RAB3GAP2: variants seen among roughly 807,000 people sequenced by gnomAD.
RAB3GAP2 encodes rab3 GTPase-activating protein non-catalytic subunit.
RAB3GAP2 carries 87 observed loss-of-function variants against 185.3 expected under a neutral mutation model. The observed-to-expected ratio is 0.47, with a 90% CI of 0.39 to 0.56. The LOEUF is 0.56. Among genes scored for constraint, RAB3GAP2 ranks in the 20% least tolerant of loss-of-function variants. RAB3GAP2 has a pLI of 0.00. For synonymous variants in RAB3GAP2, 554 were observed against 576.1 expected (o/e 0.96, Z 0.55); for missense variants, 1,492 against 1,638.2 (o/e 0.91, Z 1.54).
intron 1 of RAB3GAP2, among the ~76,000 whole-genome samples, chr1:220,244,546 G>GA (rs1363894361): frequency 4.0e-5 from 6 of 151,718 alleles, no homozygotes; most frequent in Non-Finnish European, 7.4e-5. Context: ...CACAGAACTA[G>GA]AAAAAAAATC....
intron 18 of RAB3GAP2, among the ~76,000 whole-genome samples, chr1:220,184,814 G>C (rs796872210): frequency 2.6e-5 from 4 of 151,948 alleles, no homozygotes; most frequent in African/African-American, 9.6e-5. Flanking sequence ...AGTATACCAC[G>C]CTTTTTAAAA....
chr1:220,236,044 A>AT (rs1662754086), intron 1 of RAB3GAP2, among the ~76,000 whole-genome samples: 1 of 152,232 alleles, frequency 6.6e-6, no homozygotes, highest in Non-Finnish European at 1.5e-5. Context: ...AGTTTAAGAT[A>AT]TTTTTTGTAG....
chr1:220,260,537 C>G (rs1660113778), intron 1 of RAB3GAP2, among the ~76,000 whole-genome samples: 2 of 151,312 alleles, frequency 1.3e-5, no homozygotes, highest in South Asian at 2.1e-4. Context: ...TAAGTGGGAG[C>G]TGAATGATGA....
At chr1:220,252,880 G>T (rs988639369) in intron 1 of RAB3GAP2, among the ~76,000 whole-genome samples, 7 of 152,168 alleles carry the variant, frequency 4.6e-5, no homozygotes, top group African/African-American at 1.7e-4. Context: ...CCCTAAGAAG[G>T]GGGCTGATTC....
intron 1 of RAB3GAP2, among the ~76,000 whole-genome samples, chr1:220,236,825 T>C (rs1659601370): frequency 6.6e-6 from 1 of 152,224 alleles, no homozygotes; most frequent in South Asian, 2.1e-4. Flanking sequence ...ATTAGTATTT[T>C]TTAATTGATC....
At chr1:220,248,613 G>GTT (rs1558169952) in intron 1 of RAB3GAP2, among the ~76,000 whole-genome samples, 4 of 143,448 alleles carry the variant, frequency 2.8e-5, no homozygotes, top group African/African-American at 1.2e-4. Context: ...AATTTGGTTT[G>GTT]GTTTTTTTTT....
chr1:220,243,995 C>G (rs1659751612), intron 1 of RAB3GAP2, among the ~76,000 whole-genome samples: 1 of 152,264 alleles, frequency 6.6e-6, no homozygotes, highest in East Asian at 1.9e-4. Context: ...AGGATTTCCC[C>G]TGAGAACTAG....
In RAB3GAP2 at chr1:220,171,944, G is replaced by A. The variant is rs764713903; in HGVS notation, c.2522C>T (p.Ala841Val). The A allele has an allele frequency of 3.2e-5, 51 of 1,614,122 alleles. No individual in the cohort carries two copies. In the Middle Eastern group the frequency reaches 3.0e-3, roughly 94 times the overall value. Residue 841 changes from alanine to valine, a missense_variant, in exon 23 of 35, where the codon GCG becomes GTG. Around this residue, in one of 5 missense-constraint regions of RAB3GAP2, gnomAD observed 681 missense variants for 689.1 expected, o/e 0.99. Transcript: ENST00000358951. Reference protein sequence around the residue: ...SENNGAALLSAHVGHSVAAQI... With the variant: ...SENNGAALLSVHVGHSVAAQI... ...TGCAGCAACAGAATGCCCAACATGCGCAGACAACAGAGCGGCTCCATTGTT... is the reference window on the plus strand; with the variant it reads ...TGCAGCAACAGAATGCCCAACATGCACAGACAACAGAGCGGCTCCATTGTT...
intron 1 of RAB3GAP2, among the ~76,000 whole-genome samples, chr1:220,264,234 A>G (rs2102534946): frequency 6.6e-6 from 1 of 152,250 alleles, no homozygotes; most frequent in African/African-American, 2.4e-5. Flanking sequence ...CTTAAGTATT[A>G]ACATTTTTCT....
chr1:220,192,771 AT>A (rs1658649301), intron 13 of RAB3GAP2, among the ~76,000 whole-genome samples: 1 of 152,208 alleles, frequency 6.6e-6, no homozygotes, highest in Admixed American at 6.5e-5. Context: ...TCTGTTAATA[AT>A]AGCTGAAGGA....
At chr1:220,229,611 C>T (rs909820564) in intron 2 of RAB3GAP2, among the ~76,000 whole-genome samples, 11 of 152,140 alleles carry the variant, frequency 7.2e-5, no homozygotes, top group Non-Finnish European at 4.4e-5. Flanking sequence ...GGACAACTTG[C>T]CTCACACACA....
intron 1 of RAB3GAP2, 25 bp from the exon 2 acceptor site, chr1:220,232,888 C>T (rs755109785): frequency 1.2e-6 from 2 of 1,600,842 alleles, no homozygotes; most frequent in South Asian, 1.1e-5. Flanking sequence ...ATGAACAATG[C>T]TTGCATGAAA....
chr1:220,238,698 C>G (rs559120310), intron 1 of RAB3GAP2, among the ~76,000 whole-genome samples: 4 of 152,328 alleles, frequency 2.6e-5, no homozygotes, highest in South Asian at 2.1e-4. Flanking sequence ...GTGACTCTAC[C>G]TCTCCAAATC....
chr1:220,263,729 A>C (rs887225261), intron 1 of RAB3GAP2, among the ~76,000 whole-genome samples: 1 of 152,100 alleles, frequency 6.6e-6, no homozygotes. Flanking sequence ...TGAATCTTCT[A>C]ACTTGTTTCT....
At position 220,153,172 on chromosome 1, in the gene RAB3GAP2, G is replaced by A. The variant is rs200579008; in HGVS notation, c.3867+13C>T. 9.2e-4 allele frequency: 1,458 copies of A among 1,576,580 alleles called. 3 individuals carry two copies. In the Middle Eastern group the frequency reaches 0.016, roughly 17 times the overall value. Reference sequence around the variant, plus strand: ...AACTTGAGCCCAATTAACATTCAAAGGGTCATGATTACCTCTTCTCCTAAG... The same window carrying A: ...AACTTGAGCCCAATTAACATTCAAAAGGTCATGATTACCTCTTCTCCTAAG... On this transcript the variant is annotated intron_variant, in intron 33 of 34. Coordinates refer to ENST00000358951, the MANE Select transcript of RAB3GAP2 (RefSeq NM_012414.4).
In RAB3GAP2 at chr1:220,152,357, G is replaced by A. The variant is rs901819983; in HGVS notation, c.3868-593C>T. On this transcript the variant is annotated intron_variant, in intron 33 of 34. Coordinates refer to ENST00000358951, the MANE Select transcript of RAB3GAP2 (RefSeq NM_012414.4). ...CTCCCAAAGTGCTAGGATTACAGGC[G>A]TGAGCCACCACGCCCAGCCCCTCTA... Among the ~76,000 whole-genome samples the A allele has an allele frequency of 3.3e-5, 5 of 152,092 alleles. No homozygotes were observed. In the South Asian group the frequency reaches 6.3e-4, roughly 19 times the overall value.
At chr1:220,220,770 G>A (rs1274394982) in intron 2 of RAB3GAP2, among the ~76,000 whole-genome samples, 3 of 152,172 alleles carry the variant, frequency 2.0e-5, no homozygotes, top group South Asian at 2.1e-4. Context: ...TTAAAAAGGG[G>A]AGTTTCCCTG....
Position 220,215,404 on chromosome 1 carries a change from T to C in RAB3GAP2, c.181-1425A>G, listed in dbSNP as rs552500303. ...TAATGGCGGATCTCTGTCAATTTAA[T>C]AGGTAAAATGTAGTATCTCAATATG... On this transcript the variant is annotated intron_variant, in intron 2 of 34. Transcript: ENST00000358951. Among the ~76,000 whole-genome samples, 4 of 152,302 alleles carry C rather than the reference T, an allele frequency of 2.6e-5. No individual in the cohort carries two copies. The South Asian group carries it at 8.3e-4, about 32-fold the overall frequency.
chr1:220,218,521 T>C (rs1450829231), intron 2 of RAB3GAP2, among the ~76,000 whole-genome samples: 5 of 151,996 alleles, frequency 3.3e-5, no homozygotes, highest in African/African-American at 9.7e-5. Flanking sequence ...TTCTCACTCA[T>C]AGATGGGAAT....
Sources: gnomAD v4.1 joint callset for allele counts (sites outside exome capture counted in the v4.1 genomes callset) on GRCh38, gnomAD v4.1.1 for gene constraint, gnomAD v4.1.1 regional missense constraint, MANE v1.5 for transcripts, NCBI Gene and HGNC (gene_info 2026-07-23, HGNC 2026-07-21) for gene names.